STAU1: variants seen among roughly 807,000 people sequenced by gnomAD.
STAU1 encodes the protein staufen double-stranded RNA binding protein 1.
Under a neutral mutation model 62.9 loss-of-function variants are expected in STAU1, and 13 were observed. The observed-to-expected ratio is 0.21, with a 90% CI of 0.13 to 0.33. STAU1 has a LOEUF of 0.33. Ranked by LOEUF, STAU1 falls within the 10% of genes least tolerant of loss-of-function variation. STAU1 has a pLI of 1.00. For synonymous variants in STAU1, 269 were observed against 265.1 expected (o/e 1.01, Z -0.14); for missense variants, 571 against 712.1 (o/e 0.80, Z 2.25).
At chr20:49,154,118 T>C (rs1244332324) in intron 3 of STAU1, 47 bp from the exon 4 acceptor site, 8 of 1,541,636 alleles carry the variant, frequency 5.2e-6, no homozygotes, top group Non-Finnish European at 6.1e-6. Flanking sequence ...GGTATGAGAA[T>C]GATACTCACT....
intron 3 of STAU1, chr20:49,158,563 A>G (rs1600783157): frequency 1.6e-6 from 2 of 1,241,500 alleles, no homozygotes; most frequent in Non-Finnish European, 2.1e-6. Flanking sequence ...TAATCCTAGC[A>G]CTTTGGGAGG....
At chr20:49,168,729 G>A (rs1436351778) in intron 2 of STAU1, among the ~76,000 whole-genome samples, 1 of 152,114 alleles carries the variant, frequency 6.6e-6, no homozygotes, top group African/African-American at 2.4e-5. Flanking sequence ...GTTCCCCCAG[G>A]AGACATCTGC....
intron 6 of STAU1, 51 bp from the exon 7 acceptor site, chr20:49,124,638 C>T: frequency 1.3e-6 from 2 of 1,590,852 alleles, no homozygotes; most frequent in Non-Finnish European, 1.7e-6. Flanking sequence ...TTATTAAAAG[C>T]TCCAAGGCAC....
chr20:49,131,194 CAG>C (rs1210473149), intron 6 of STAU1, among the ~76,000 whole-genome samples: 1 of 152,126 alleles, frequency 6.6e-6, no homozygotes, highest in Non-Finnish European at 1.5e-5. Context: ...TCATGAAACA[CAG>C]AGAAAGGCTG....
chr20:49,125,902 C>T (rs573368407), intron 6 of STAU1, among the ~76,000 whole-genome samples: 4 of 151,908 alleles, frequency 2.6e-5, no homozygotes, highest in African/African-American at 9.7e-5. Context: ...GGTAGACAGA[C>T]GGGATGAGAC....
chr20:49,149,031 A>T (rs1340945579), intron 5 of STAU1, among the ~76,000 whole-genome samples: 1 of 152,110 alleles, frequency 6.6e-6, no homozygotes, highest in East Asian at 1.9e-4. Flanking sequence ...TGGTCAGATC[A>T]CCTGAGCTCA....
intron 6 of STAU1, among the ~76,000 whole-genome samples, chr20:49,132,075 G>A (rs1304856327): frequency 2.0e-5 from 3 of 151,780 alleles, no homozygotes; most frequent in Non-Finnish European, 4.4e-5. Context: ...GAGAATGGGG[G>A]GTAGGAATTC....
At chr20:49,142,037 A>G (rs2093018400) in intron 5 of STAU1, among the ~76,000 whole-genome samples, 2 of 151,888 alleles carry the variant, frequency 1.3e-5, no homozygotes, top group South Asian at 4.2e-4. Context: ...CAGCCTGGGC[A>G]ACATAATAAG....
intron 8 of STAU1, among the ~76,000 whole-genome samples, chr20:49,122,383 AAGG>A (rs1241220494): frequency 1.3e-5 from 2 of 152,298 alleles, no homozygotes; most frequent in African/African-American, 4.8e-5. Context: ...ATAAACCTTC[AAGG>A]AGATGTAATG....
chr20:49,210,472 C>CT, the STAU1 span: 61 of 455,896 alleles, frequency 1.3e-4, no homozygotes, highest in Admixed American at 6.1e-4. Flanking sequence ...TCTCTCTCTC[C>CT]TTTTTTTCCT....
At chr20:49,206,719 T>TTATATATATATATA in the STAU1 span, among the ~76,000 whole-genome samples, 2,263 of 105,406 alleles carry the variant, frequency 0.021, 30 homozygotes, top group East Asian at 0.042. Context: ...AAATGAAATT[T>TTATATATATATATA]TATATATATA....
chr20:49,151,805 A>G (rs2093255804), intron 4 of STAU1, 58 bp from the exon 5 acceptor site: 1 of 1,465,012 alleles, frequency 6.8e-7, no homozygotes. Context: ...TCACCTATAC[A>G]CTCTCTGGCA....
At chr20:49,141,104 C>A (rs57238959) in intron 5 of STAU1, among the ~76,000 whole-genome samples, 1,793 of 152,132 alleles carry the variant, frequency 0.012, 38 homozygotes, top group African/African-American at 0.04. Flanking sequence ...ACTTTGAATG[C>A]CACGTACATG....
intron 2 of STAU1, among the ~76,000 whole-genome samples, chr20:49,173,544 G>A (rs2093623953): frequency 1.3e-5 from 2 of 152,178 alleles, no homozygotes; most frequent in Admixed American, 1.3e-4. Context: ...ATTTCCTTAT[G>A]CTTCCATTTC....
chr20:49,191,153 G>A (rs969538898), upstream of STAU1, among the ~76,000 whole-genome samples: 12 of 151,474 alleles, frequency 7.9e-5, no homozygotes, highest in Non-Finnish European at 1.5e-5. Flanking sequence ...TCAGCCTCCC[G>A]AGTAGCTGAG....
chr20:49,119,027 T>C (rs1386445020), intron 9 of STAU1, among the ~76,000 whole-genome samples: 1 of 152,210 alleles, frequency 6.6e-6, no homozygotes, highest in Non-Finnish European at 1.5e-5. Flanking sequence ...TGGCCATGAC[T>C]GATGCTGTTT....
chr20:49,168,766 T>C (rs899632503), intron 2 of STAU1, among the ~76,000 whole-genome samples: 3 of 152,130 alleles, frequency 2.0e-5, no homozygotes, highest in African/African-American at 7.2e-5. Context: ...TTTTTGGTTG[T>C]CACAACCAGT....
chr20:49,204,640 ATATATATTTTTTTTTTT>A, the STAU1 span, among the ~76,000 whole-genome samples: 4 of 53,536 alleles, frequency 7.5e-5, no homozygotes, highest in Admixed American at 6.8e-4. Flanking sequence ...ATATATATAT[ATATATATTTTTTTTTTT>A]TTTTTTTTTT....
At chr20:49,145,960 A>T (rs890320376) in intron 5 of STAU1, among the ~76,000 whole-genome samples, 9 of 152,064 alleles carry the variant, frequency 5.9e-5, no homozygotes, top group Non-Finnish European at 1.2e-4. Flanking sequence ...CTGAGGAAAC[A>T]AGAAGGGTTA....
Sources: gnomAD v4.1 joint callset for allele counts (sites outside exome capture counted in the v4.1 genomes callset) on GRCh38, gnomAD v4.1.1 for gene constraint, MANE v1.5 for transcripts, NCBI Gene and HGNC (gene_info 2026-07-23, HGNC 2026-07-21) for gene names.